The following MICU3 variants were observed in gnomAD, a reference collection of about 807,000 sequenced individuals.
MICU3 encodes calcium uptake protein 3, mitochondrial.
A neutral mutation model predicts 66.5 loss-of-function variants in MICU3; 62 were observed. The observed-to-expected ratio is 0.93, with a 90% CI of 0.76 to 1.15. The LOEUF (loss-of-function observed/expected upper bound fraction) is 1.15, where lower values mean the gene tolerates loss of function less well. Ranked by LOEUF, MICU3 falls within the 50% of genes most tolerant of loss-of-function variation. MICU3 has a pLI of 0.00. For missense variants in MICU3, 779 were observed against 664.4 expected, an observed-to-expected ratio of 1.17 and a Z score of -1.90; for synonymous variants, 308 against 240.7, an observed-to-expected ratio of 1.28 and a Z score of -2.59.
At chr8:17,045,515 A>G (rs1002186682) in intron 1 of MICU3, among the ~76,000 whole-genome samples, 4 of 152,188 alleles carry the variant, frequency 2.6e-5, no homozygotes, top group East Asian at 3.9e-4. Context: ...GCCTCATAAA[A>G]AGTCCCCAAT....
chr8:17,107,066 C>A (rs1284314143), intron 11 of MICU3, among the ~76,000 whole-genome samples: 1 of 152,114 alleles, frequency 6.6e-6, no homozygotes, highest in Non-Finnish European at 1.5e-5. Context: ...TATTGAGCAT[C>A]TACTATTTAC....
chr8:17,061,142 T>C (rs1817764382), intron 1 of MICU3, among the ~76,000 whole-genome samples: 1 of 152,126 alleles, frequency 6.6e-6, no homozygotes, highest in African/African-American at 2.4e-5. Flanking sequence ...TAGTAATGAG[T>C]CCCTGAACAA....
intron 8 of MICU3, 41 bp from the exon 9 acceptor site, chr8:17,098,417 T>C: frequency 8.4e-7 from 1 of 1,194,406 alleles, no homozygotes; most frequent in South Asian, 1.2e-5. Context: ...TCTTTGTAAC[T>C]ATTCTTTAGA....
rs772951620 is a variant in MICU3 at position 17,098,487 on chromosome 8, C to T, written c.918C>T (p.Val306=). The T allele has an allele frequency of 1.2e-6, 2 of 1,611,384 alleles. No homozygotes were observed. The highest frequency in any genetic ancestry group is 1.7e-6 in the Non-Finnish European group (2 of 1,177,996). The change falls in exon 9 of 15, where the codon GTC becomes GTT. Residue 306 remains valine, a synonymous_variant. Transcript: ENST00000318063. ...SVLKTDAEEL[V]SRSYWDTLRR... ...TTAAAACAGATGCTGAGGAACTTGT[C>T]TCCAGAAGCTATTGGGATACACTGA...
chr8:17,085,796 T>C (rs562354004), intron 6 of MICU3, among the ~76,000 whole-genome samples: 2 of 152,226 alleles, frequency 1.3e-5, no homozygotes, highest in East Asian at 3.9e-4. Context: ...TCTTTGACCA[T>C]AGGCTGATAG....
Position 17,070,650 on chromosome 8 carries a change from TA to T in MICU3, c.567+939del, listed in dbSNP as rs574169621. ...TTTTTATAGATATGTTTTTTTTTTT[TA>T]AAAAAAAGAATATTAGAAATCTAGG... On this transcript the variant is annotated intron_variant, in intron 3 of 14. Coordinates refer to ENST00000318063, the MANE Select transcript of MICU3 (RefSeq NM_181723.3). Among the ~76,000 whole-genome samples the T allele has an allele frequency of 6.8e-3, 931 of 136,406 alleles. 9 individuals carry two copies. Among genetic ancestry groups the T allele is most frequent in the African/African-American group, 0.016 (634 of 40,022 alleles). 89.5% of individuals were successfully genotyped at this position (136,406 alleles called of 152,430 possible).
intron 2 of MICU3, among the ~76,000 whole-genome samples, chr8:17,069,311 A>G (rs529588933): frequency 2.8e-4 from 43 of 152,270 alleles, no homozygotes; most frequent in African/African-American, 3.6e-4. Context: ...TAGTTTATCT[A>G]TGTTAATGTT....
intron 1 of MICU3, among the ~76,000 whole-genome samples, chr8:17,048,797 A>C (rs1029318750): frequency 1.3e-5 from 2 of 151,980 alleles, no homozygotes; most frequent in African/African-American, 4.8e-5. Context: ...TTTTAAAAAA[A>C]TTGTAGAGAC....
rs556795746 is a variant in MICU3, at chr8:17,043,321, A to G, written c.381+15661A>G. On this transcript the variant is annotated intron_variant, in intron 1 of 14. Coordinates refer to ENST00000318063, the MANE Select transcript of MICU3 (RefSeq NM_181723.3). ...GCACAGTTTAAGCTAGCTCCAACCTATTAAAGTTAGTTATTTTAAAATAAT... is the reference window on the plus strand; with the variant it reads ...GCACAGTTTAAGCTAGCTCCAACCTGTTAAAGTTAGTTATTTTAAAATAAT... Among the ~76,000 whole-genome samples the G allele has an allele frequency of 2.6e-5, 4 of 152,268 alleles. No homozygotes were observed. In the South Asian group the frequency reaches 6.2e-4, roughly 24 times the overall value.
At chr8:17,097,236 A>G (rs1468172011) in intron 8 of MICU3, among the ~76,000 whole-genome samples, 1 of 151,800 alleles carries the variant, frequency 6.6e-6, no homozygotes, top group African/African-American at 2.4e-5. Flanking sequence ...TATTGAGGTT[A>G]TTCCATATCT....
At chr8:17,087,482 G>A (rs1273236469) in intron 7 of MICU3, among the ~76,000 whole-genome samples, 1 of 151,838 alleles carries the variant, frequency 6.6e-6, no homozygotes, top group East Asian at 1.9e-4. Flanking sequence ...TCTTCTTCTG[G>A]GATATATAAT....
intron 7 of MICU3, among the ~76,000 whole-genome samples, chr8:17,087,245 A>G (rs892594666): frequency 6.6e-6 from 1 of 152,058 alleles, no homozygotes; most frequent in African/African-American, 2.4e-5. Context: ...TTGTATCCAT[A>G]ATCATTCATT....
At chr8:17,094,785 C>G (rs1193418338) in intron 8 of MICU3, among the ~76,000 whole-genome samples, 1 of 152,010 alleles carries the variant, frequency 6.6e-6, no homozygotes, top group Non-Finnish European at 1.5e-5. Context: ...GGTGTTCTTT[C>G]TTAAGACAAC....
intron 1 of MICU3, among the ~76,000 whole-genome samples, chr8:17,050,129 A>G (rs1815808587): frequency 6.6e-6 from 1 of 152,200 alleles, no homozygotes; most frequent in Admixed American, 6.5e-5. Flanking sequence ...AGTACATGCA[A>G]ATATTGAATT....
the MICU3 span, among the ~76,000 whole-genome samples, chr8:17,130,077 A>G: frequency 6.6e-6 from 1 of 152,232 alleles, no homozygotes; most frequent in South Asian, 2.1e-4. Context: ...AGAGAATGTA[A>G]CCAGCAGACC....
chr8:17,105,306 A>G lies in MICU3; in HGVS notation c.1086-107A>G, dbSNP rs1368757775. Reference sequence around the variant, plus strand: ...ACTTTATTAATCTTTGCATCATCATACAATTATTTCCATATAACCTTTTCT... The same window carrying G: ...ACTTTATTAATCTTTGCATCATCATGCAATTATTTCCATATAACCTTTTCT... On this transcript the variant is annotated intron_variant, in intron 10 of 14. Coordinates refer to ENST00000318063, the MANE Select transcript of MICU3 (RefSeq NM_181723.3). The G allele has an allele frequency of 1.3e-5, 8 of 631,814 alleles. No homozygotes were observed. In the Admixed American group the frequency reaches 2.2e-4, roughly 17 times the overall value. The allele number at this position is 631,814 out of a possible 1,614,324, so 39.1% of individuals were successfully genotyped here.
chr8:17,037,719 C>A (rs577215500), intron 1 of MICU3, among the ~76,000 whole-genome samples: 203 of 152,316 alleles, frequency 1.3e-3, no homozygotes, highest in African/African-American at 4.6e-3. Flanking sequence ...TTGCACCATG[C>A]ACCTGGAAAA....
chr8:17,114,310 A>G (rs963065298), intron 12 of MICU3, 109 bp downstream of exon 12: 26 of 652,550 alleles, frequency 4.0e-5, no homozygotes, highest in Non-Finnish European at 6.5e-5. Context: ...AACTTGTGTG[A>G]AAGTCCGGTG....
At chr8:17,066,017 T>A (rs1295125015) in intron 2 of MICU3, among the ~76,000 whole-genome samples, 1 of 151,962 alleles carries the variant, frequency 6.6e-6, no homozygotes, top group East Asian at 1.9e-4. Flanking sequence ...AGTAGCCACT[T>A]TGGGAATATG....
Sources: allele counts gnomAD v4.1 joint callset (sites outside exome capture counted in the v4.1 genomes callset), GRCh38; gene constraint gnomAD v4.1.1; transcripts MANE v1.5; gene names NCBI Gene and HGNC (gene_info 2026-07-23, HGNC 2026-07-21).